Variants in DNAJC1 observed in about 807,000 individuals in gnomAD.
DNAJC1 encodes the protein dnaJ homolog subfamily C member 1.
In DNAJC1, 58 loss-of-function variants were observed where a neutral mutation model predicts 76.6. That is an observed-to-expected ratio of 0.76 (90% CI 0.61 to 0.94). The LOEUF (loss-of-function observed/expected upper bound fraction) is 0.94, where lower values mean the gene tolerates loss of function less well. DNAJC1 is among the 40% of genes least tolerant of loss of function. The pLI is 0.00. For missense variants in DNAJC1, 689 were observed against 677.3 expected, an observed-to-expected ratio of 1.02 and a Z score of -0.19; for synonymous variants, 258 against 267.9, an observed-to-expected ratio of 0.96 and a Z score of 0.36.
intron 7 of DNAJC1, among the ~76,000 whole-genome samples, chr10:21,891,845 A>T (rs1836468202): frequency 6.6e-6 from 1 of 152,216 alleles, no homozygotes; most frequent in African/African-American, 2.4e-5. Context: ...ATAAATCATA[A>T]AAGAAAATAT....
intron 7 of DNAJC1, among the ~76,000 whole-genome samples, chr10:21,897,194 C>A (rs905243151): frequency 9.2e-5 from 14 of 152,080 alleles, no homozygotes; most frequent in African/African-American, 3.4e-4. Context: ...ATGTAAAATT[C>A]TTTAACAAAA....
intron 1 of DNAJC1, among the ~76,000 whole-genome samples, chr10:21,953,345 T>G (rs1837627550): frequency 6.6e-6 from 1 of 151,964 alleles, no homozygotes. Flanking sequence ...GATATGCAAA[T>G]CATTTATACT....
rs1400665732 is a variant in DNAJC1 at position 22,003,412 on chromosome 10, G to A, written c.23C>T (p.Pro8Leu). The stretch of plus-strand genomic sequence containing the variant: ...CTGGCGGCGTCCAGGAAGCTGCGCC[G>A]GCTGGGAGCAAGGAGCCGTCATCGC... MTAPCSQ[P>L]AQLPGRRQLG... The change falls in exon 1 of 12, where the codon CCG becomes CTG. Residue 8 changes from proline to leucine, a missense_variant. Transcript: ENST00000376980. 4 of 1,370,624 alleles carry A rather than the reference G, an allele frequency of 2.9e-6. No individual in the cohort carries two copies. Among genetic ancestry groups the A allele is most frequent in the Non-Finnish European group, 3.8e-6 (4 of 1,064,404 alleles). 84.9% of individuals were successfully genotyped at this position (1,370,624 alleles called of 1,614,324 possible).
intron 9 of DNAJC1, among the ~76,000 whole-genome samples, chr10:21,772,010 C>A (rs746706732): frequency 5.9e-5 from 9 of 152,194 alleles, no homozygotes; most frequent in Non-Finnish European, 1.2e-4. Context: ...AAGCTCACTG[C>A]ATCCTTCAAT....
At chr10:21,896,426 T>C (rs934853327) in intron 7 of DNAJC1, among the ~76,000 whole-genome samples, 2 of 152,242 alleles carry the variant, frequency 1.3e-5, no homozygotes, top group African/African-American at 2.4e-5. Context: ...TTCAGCTTAC[T>C]TGGGGACTGT....
chr10:21,805,931 A>T, intron 9 of DNAJC1, 49 bp downstream of exon 9: 1 of 1,606,670 alleles, frequency 6.2e-7, no homozygotes, highest in Non-Finnish European at 8.5e-7. Flanking sequence ...TACATAGCTG[A>T]CTTGTTCTGG....
chr10:21,813,208 CTCTCTCTCTCTCTA>C (rs1352318209), intron 8 of DNAJC1, among the ~76,000 whole-genome samples: 137 of 68,648 alleles, frequency 2.0e-3, no homozygotes, highest in South Asian at 3.0e-3. Context: ...CTCTCTCTCT[CTCTCTCTCTCTCTA>C]TATATATATA....
chr10:21,920,151 T>C (rs975313169), intron 4 of DNAJC1, among the ~76,000 whole-genome samples: 48 of 152,046 alleles, frequency 3.2e-4, no homozygotes, highest in Non-Finnish European at 5.7e-4. Context: ...GTCATGTGCA[T>C]CTCCATAGCA....
chr10:21,997,649 GA>G (rs1316846568), intron 1 of DNAJC1, among the ~76,000 whole-genome samples: 5 of 152,204 alleles, frequency 3.3e-5, no homozygotes, highest in African/African-American at 9.7e-5. Context: ...ATGGGGCACG[GA>G]TGAATGGGCA....
chr10:21,756,562 TTTA>T lies in DNAJC1; in HGVS notation c.*122_*124del, dbSNP rs1181706004. 21 of 666,518 alleles carry T rather than the reference TTTA, an allele frequency of 3.2e-5. No individual in the cohort carries two copies. The highest frequency in any genetic ancestry group is 2.4e-5 in the Non-Finnish European group (9 of 382,344). 41.3% of individuals were successfully genotyped at this position (666,518 alleles called of 1,614,324 possible). On this transcript the variant is annotated 3_prime_UTR_variant, in exon 12 of 12. Transcript: ENST00000376980. ...TAGCACAACACTCATCTTTTATTTA[TTTA>T]TTATTTTTTTTTACTAAGGCACATG...
At chr10:21,793,122 G>A (rs1162738249) in intron 9 of DNAJC1, among the ~76,000 whole-genome samples, 12 of 152,038 alleles carry the variant, frequency 7.9e-5, no homozygotes, top group Admixed American at 2.6e-4. Context: ...TCTGGCCAAC[G>A]TGGTGAAACC....
intron 6 of DNAJC1, among the ~76,000 whole-genome samples, chr10:21,910,277 G>A (rs373378361): frequency 3.3e-5 from 5 of 151,796 alleles, no homozygotes; most frequent in South Asian, 4.2e-4. Context: ...CACCACACTC[G>A]GCTAATATTT....
chr10:22,002,122 C>T (rs1838527192), intron 1 of DNAJC1, among the ~76,000 whole-genome samples: 1 of 152,100 alleles, frequency 6.6e-6, no homozygotes, highest in African/African-American at 2.4e-5. Context: ...AGTAAAAGTT[C>T]AATAGTTCAC....
At chr10:21,894,532 T>C (rs138404546) in intron 7 of DNAJC1, among the ~76,000 whole-genome samples, 16 of 150,026 alleles carry the variant, frequency 1.1e-4, no homozygotes, top group African/African-American at 2.9e-4. Flanking sequence ...GATTGCACGA[T>C]TGCACTCCAG....
chr10:21,876,236 G>A lies in DNAJC1; in HGVS notation c.978+6046C>T, dbSNP rs574257419. The stretch of plus-strand genomic sequence containing the variant: ...AGAGATTCTCCTGCCTCAGGCTCCC[G>A]AGTAGCTGGGATCACAGGTGCGTGT... On this transcript the variant is annotated intron_variant, in intron 8 of 11. Transcript: ENST00000376980. Among the ~76,000 whole-genome samples the A allele has an allele frequency of 9.0e-4, 136 of 151,564 alleles. 4 individuals carry two copies. In the South Asian group the frequency reaches 0.027, roughly 31 times the overall value.
At chr10:21,953,022 CTAA>C (rs1837623452) in intron 1 of DNAJC1, among the ~76,000 whole-genome samples, 1 of 152,112 alleles carries the variant, frequency 6.6e-6, no homozygotes, top group South Asian at 2.1e-4. Context: ...CATATTTCTA[CTAA>C]TAATGACAAC....
At chr10:21,958,661 C>T (rs143247333) in intron 1 of DNAJC1, among the ~76,000 whole-genome samples, 10 of 152,050 alleles carry the variant, frequency 6.6e-5, no homozygotes, top group African/African-American at 9.7e-5. Flanking sequence ...CTCCTCACCT[C>T]GTGATCCACC....
In DNAJC1 at chr10:21,998,219, C is replaced by T. The variant is rs187529752; in HGVS notation, c.222+4994G>A. 9.9e-4 allele frequency among the ~76,000 whole-genome samples: 150 copies of T among 151,844 alleles called. 1 individual carries two copies. Among genetic ancestry groups the T allele is most frequent in the African/African-American group, 3.4e-3 (139 of 41,396 alleles). ...CGGCCTGACCAACATGGCGAAACCCCATCTCTACTAAAAATACAAAATTAG... is the reference window on the plus strand; with the variant it reads ...CGGCCTGACCAACATGGCGAAACCCTATCTCTACTAAAAATACAAAATTAG... On this transcript the variant is annotated intron_variant, in intron 1 of 11. Transcript: ENST00000376980.
chr10:22,002,731 G>T (rs1251633704), intron 1 of DNAJC1, among the ~76,000 whole-genome samples: 2 of 152,142 alleles, frequency 1.3e-5, no homozygotes, highest in Non-Finnish European at 2.9e-5. Flanking sequence ...AAGGGAAGAG[G>T]AGGGGAGGCA....
Sources: allele counts gnomAD v4.1 joint callset (sites outside exome capture counted in the v4.1 genomes callset), GRCh38; gene constraint gnomAD v4.1.1; transcripts MANE v1.5; gene names NCBI Gene and HGNC (gene_info 2026-07-23, HGNC 2026-07-21).